The following ZBTB21 variants were observed in gnomAD, a reference collection of about 807,000 sequenced individuals.
The protein encoded by ZBTB21 is zinc finger and BTB domain-containing protein 21.
In ZBTB21, 10 loss-of-function variants were observed where a neutral mutation model predicts 39.8. The ratio of observed to expected loss-of-function variants is 0.25; its 90% CI spans 0.16 to 0.43. The LOEUF is 0.43. Among genes scored for constraint, ZBTB21 ranks in the 20% least tolerant of loss-of-function variants. The probability of loss-of-function intolerance (pLI) is 1.00; values close to 1 mark genes in which losing one functional copy is unlikely to be tolerated. For missense variants in ZBTB21, 1,221 were observed against 1,296.3 expected, an observed-to-expected ratio of 0.94 and a Z score of 0.89; for synonymous variants, 551 against 498.8, an observed-to-expected ratio of 1.10 and a Z score of -1.40.
rs776330374 is a variant in ZBTB21 at position 41,992,208 on chromosome 21, C to G, written c.1888G>C (p.Glu630Gln). ...RKLIDIVREREIKKALIIKLR... is the reference protein window; with the variant it reads ...RKLIDIVRERQIKKALIIKLR... ...TTAATGATCAGGGCCTTCTTAATTT[C>G]TCTCTCTCTCACTATGTCAATCAGC... Residue 630 changes from glutamate to glutamine, a missense_variant, in exon 3 of 3, where the codon GAA (glutamate) becomes CAA (glutamine). Physicochemically the swap from Glu to Gln is conservative, Grantham distance 29 (BLOSUM62 2). Coordinates refer to ENST00000310826, the MANE Select transcript of ZBTB21 (RefSeq NM_001098402.2). The surrounding 1 kb of genome is among the most constrained non-coding windows in gnomAD (Gnocchi z 4.1). 4 of 1,613,942 alleles carry G rather than the reference C, an allele frequency of 2.5e-6. 1 individual carries two copies. In the South Asian group the frequency reaches 4.4e-5, roughly 18 times the overall value.
Position 41,992,021 on chromosome 21 carries a change from T to C in ZBTB21, c.2075A>G (p.His692Arg). The C allele has an allele frequency of 6.2e-7, 1 of 1,614,262 alleles. No individual in the cohort carries two copies. Among genetic ancestry groups the C allele is most frequent in the Non-Finnish European group, 8.5e-7 (1 of 1,180,048 alleles). ...TACTCCAAGGGGTTTTTCTCCTGGA[T>C]GCATTTTTATATGCTGCTTAAATTG... ...LSQFKQHIKM[H>R]PGEKPLGVNK... is the part of the protein sequence containing the mutation. Residue 692 changes from histidine to arginine, a missense_variant, in exon 3 of 3, where the codon CAT (histidine) becomes CGT (arginine). By Grantham distance (29) the His-to-Arg change is conservative (BLOSUM62 0). Transcript: ENST00000310826. This position sits in a 1 kb window ranked among gnomAD's most constrained non-coding sequence, Gnocchi z 4.1.
At chr21:42,002,328 T>C (rs535765500) in intron 2 of ZBTB21, 2 of 152,060 alleles carry the variant, frequency 1.3e-5, no homozygotes, top group Admixed American at 1.3e-4. Context: ...TGACAGTCAG[T>C]ATATTTGAGT....
chr21:42,006,919 A>C (rs1271091326), intron 1 of ZBTB21, among the ~76,000 whole-genome samples: 3 of 152,240 alleles, frequency 2.0e-5, no homozygotes, highest in Non-Finnish European at 2.9e-5. Flanking sequence ...GCCTCAGAAG[A>C]AGCCAACCCT....
chr21:42,009,613 C>A (rs549131367), intron 1 of ZBTB21: 1 of 152,776 alleles, frequency 6.5e-6, no homozygotes, highest in Non-Finnish European at 1.5e-5. Flanking sequence ...GGAAAAAAAA[C>A]GCGCTGTGAG....
In ZBTB21 at chr21:41,992,392, G is replaced by A; in HGVS notation, c.1704C>T (p.Tyr568=). 6.2e-7 allele frequency: 1 copy of A among 1,614,166 alleles called. No individual in the cohort carries two copies. Among genetic ancestry groups the A allele is most frequent in the Non-Finnish European group, 8.5e-7 (1 of 1,180,022 alleles). The stretch of plus-strand genomic sequence containing the variant: ...AAGCGTAGGGCTTTTCTGGGTTATG[G>A]TACATGTTAACATGACGGTGAAGAC... ...TAGLHRHVNM[Y]HNPEKPYACD... is the part of the protein sequence containing the mutation. The change falls in exon 3 of 3, where the codon TAC becomes TAT. Residue 568 remains tyrosine (Y), a synonymous_variant. Coordinates refer to ENST00000310826, the MANE Select transcript of ZBTB21 (RefSeq NM_001098402.2). The surrounding 1 kb of genome is among the most constrained non-coding windows in gnomAD (Gnocchi z 4.1).
rs754375878 is a variant in ZBTB21 at position 41,992,953 on chromosome 21, A to C, written c.1143T>G (p.Ser381=). 6.2e-7 allele frequency: 1 copy of C among 1,614,218 alleles called. No individual in the cohort carries two copies. The highest frequency in any genetic ancestry group is 1.7e-5 in the Admixed American group (1 of 60,022). ...TACAATCTTTTAAAGATGACTTCTG[A>C]GATAAAGCACACAACACATTCCCTG... ...DAPGNVLCAL[S]QKSSLKDCSE... is the part of the protein sequence containing the mutation. Residue 381 remains serine (S), a synonymous_variant, in exon 3 of 3, where the codon TCT becomes TCG. Transcript: ENST00000310826. This position sits in a 1 kb window ranked among gnomAD's most constrained non-coding sequence, Gnocchi z 4.1.
Position 41,993,060 on chromosome 21 carries a change from T to A in ZBTB21, c.1036A>T (p.Met346Leu). The change falls in exon 3 of 3, where the codon ATG becomes TTG. Residue 346 changes from methionine (M) to leucine (L), a missense_variant. By Grantham distance (15) the Met-to-Leu change is conservative (BLOSUM62 2). Around this residue, in one of 4 missense-constraint regions of ZBTB21, gnomAD observed 500 missense variants for 465.6 expected, o/e 1.07. Coordinates refer to ENST00000310826, the MANE Select transcript of ZBTB21 (RefSeq NM_001098402.2). ...GAATAGACAGGAACCTGGCTATCCATCGACAATGACCGTCTGAGGAGACTC... is the reference window on the plus strand; with the variant it reads ...GAATAGACAGGAACCTGGCTATCCAACGACAATGACCGTCTGAGGAGACTC... The part of the protein sequence containing the change: ...VKSLLRRSLS[M>L]DSQVPVYSPS... The A allele has an allele frequency of 6.2e-7, 1 of 1,614,228 alleles. No homozygotes were observed. The highest frequency in any genetic ancestry group is 8.5e-7 in the Non-Finnish European group (1 of 1,180,038).
At chr21:42,006,260 C>T (rs765397945) in intron 1 of ZBTB21, among the ~76,000 whole-genome samples, 7 of 151,596 alleles carry the variant, frequency 4.6e-5, no homozygotes, top group South Asian at 2.1e-4. Flanking sequence ...ACTAAAAATA[C>T]GAAAATTAGC....
intron 2 of ZBTB21, among the ~76,000 whole-genome samples, chr21:42,000,569 G>A (rs929750741): frequency 3.9e-5 from 6 of 152,174 alleles, no homozygotes; most frequent in African/African-American, 7.2e-5. Context: ...TCCACAGACC[G>A]TATGCATCCC....
At chr21:41,999,310 C>T (rs1410529136) in intron 2 of ZBTB21, among the ~76,000 whole-genome samples, 1 of 152,160 alleles carries the variant, frequency 6.6e-6, no homozygotes, top group Non-Finnish European at 1.5e-5. Flanking sequence ...ATGACTAGGA[C>T]AGAGTAGAAA....
chr21:41,991,423 G>A lies in ZBTB21; in HGVS notation c.2673C>T (p.Pro891=), dbSNP rs772491800. 15 of 1,611,862 alleles carry A rather than the reference G, an allele frequency of 9.3e-6. No homozygotes were observed. The African/African-American group carries it at 9.4e-5, about 10-fold the overall frequency. The change falls in exon 3 of 3, where the codon CCC becomes CCT. Residue 891 remains proline (P), a synonymous_variant. Coordinates refer to ENST00000310826, the MANE Select transcript of ZBTB21 (RefSeq NM_001098402.2). This position sits in a 1 kb window ranked among gnomAD's most constrained non-coding sequence, Gnocchi z 4.9. ...CTTCTTTGGGGGCTGTGCTGGCCTC[G>A]GGTGCCTCTTCTTCAGCCTCCTCCA... ...EPVEEAEEEA[P]EASTAPKEAG...
intron 2 of ZBTB21, among the ~76,000 whole-genome samples, chr21:41,997,601 AAAAAC>A (rs1569110095): frequency 7.2e-6 from 1 of 138,822 alleles, no homozygotes; most frequent in Non-Finnish European, 1.6e-5. Flanking sequence ...AAAAAAACAA[AAAAAC>A]AAAAAAAAGA....
intron 2 of ZBTB21, among the ~76,000 whole-genome samples, chr21:41,995,775 G>A (rs1266007933): frequency 6.6e-6 from 1 of 152,204 alleles, no homozygotes; most frequent in African/African-American, 2.4e-5. Flanking sequence ...AAATGGTTTT[G>A]TGGGCCAGGC....
chr21:41,999,340 G>A (rs1031534031), intron 2 of ZBTB21, among the ~76,000 whole-genome samples: 1 of 152,172 alleles, frequency 6.6e-6, no homozygotes, highest in African/African-American at 2.4e-5. Context: ...TGCATCAAAT[G>A]TCATAAGGCT....
At chr21:42,009,325 G>A (rs1628526) in intron 1 of ZBTB21, 96,714 of 152,108 alleles carry the variant, frequency 0.64, 32,282 homozygotes, top group African/African-American at 0.79. Context: ...GCGGTGTGCT[G>A]GGATGGAAAA....
At chr21:42,004,205 G>A (rs2065851266) in intron 1 of ZBTB21, among the ~76,000 whole-genome samples, 1 of 152,022 alleles carries the variant, frequency 6.6e-6, no homozygotes, top group Admixed American at 6.5e-5. Context: ...TCACCATATT[G>A]GTCAGGCCGG....
chr21:42,002,859 A>C (rs1302271710), intron 2 of ZBTB21, 38 bp downstream of exon 2: 2 of 152,236 alleles, frequency 1.3e-5, no homozygotes, highest in African/African-American at 4.8e-5. Context: ...AAAACCCCCC[A>C]GGAAAACCAG....
Position 41,993,982 on chromosome 21 carries a change from G to C in ZBTB21, c.114C>G (p.Asp38Glu), listed in dbSNP as rs1243050363. The C allele has an allele frequency of 6.2e-7, 1 of 1,614,226 alleles. No homozygotes were observed. Among genetic ancestry groups the C allele is most frequent in the East Asian group, 2.2e-5 (1 of 44,890 alleles). ...QLCDVLLIVGDQKFRAHKNVL... is the reference protein window; with the variant it reads ...QLCDVLLIVGEQKFRAHKNVL... ...CGTTTTTATGAGCTCGGAACTTTTG[G>C]TCTCCAACAATCAGCAGCACATCAC... Residue 38 changes from aspartate to glutamate, a missense_variant, in exon 3 of 3, where the codon GAC becomes GAG. Transcript: ENST00000310826.
intron 1 of ZBTB21, among the ~76,000 whole-genome samples, chr21:42,005,688 A>G (rs149004479): frequency 1.1e-3 from 162 of 152,316 alleles, no homozygotes; most frequent in African/African-American, 3.8e-3. Context: ...TCTTAGAACA[A>G]AGCTTTGATC....
Sources: allele counts gnomAD v4.1 joint callset (sites outside exome capture counted in the v4.1 genomes callset), GRCh38; gene constraint gnomAD v4.1.1; regional missense constraint gnomAD v4.1.1; non-coding constraint Gnocchi (gnomAD v3.1); transcripts MANE v1.5; gene names NCBI Gene and HGNC (gene_info 2026-07-23, HGNC 2026-07-21).